The following MEI4 variants were observed in gnomAD, a reference collection of about 807,000 sequenced individuals.
MEI4 encodes meiosis-specific protein MEI4.
Under a neutral mutation model 31.4 loss-of-function variants are expected in MEI4, and 27 were observed. The observed-to-expected ratio is 0.86, with a 90% CI of 0.63 to 1.19. The LOEUF (loss-of-function observed/expected upper bound fraction) is 1.19. Ranked by LOEUF, MEI4 falls within the 50% of genes most tolerant of loss-of-function variation. The pLI is 0.00. For missense variants in MEI4, 329 were observed against 398.9 expected (o/e 0.82, Z 1.49); for synonymous variants, 122 against 145.4 (o/e 0.84, Z 1.16).
At chr6:77,805,208 C>T (rs1414692142) in intron 3 of MEI4, among the ~76,000 whole-genome samples, 1 of 152,036 alleles carries the variant, frequency 6.6e-6, no homozygotes, top group African/African-American at 2.4e-5. Flanking sequence ...TTCCTTCCCA[C>T]CATGTCACCC....
intron 2 of MEI4, among the ~76,000 whole-genome samples, chr6:77,727,125 G>A (rs1013298965): frequency 6.6e-6 from 1 of 152,156 alleles, no homozygotes; most frequent in Admixed American, 6.5e-5. Context: ...TCTCTCAGAT[G>A]TGAGTGGTGA....
intron 2 of MEI4, among the ~76,000 whole-genome samples, chr6:77,707,094 A>G (rs13199005): frequency 0.31 from 42,503 of 139,048 alleles, 6,838 homozygotes; most frequent in South Asian, 0.41. Flanking sequence ...GAAGACAGGA[A>G]GCTAAGGGAA....
At chr6:77,657,741 A>G (rs2127641134) in intron 1 of MEI4, among the ~76,000 whole-genome samples, 1 of 152,196 alleles carries the variant, frequency 6.6e-6, no homozygotes, top group South Asian at 2.1e-4. Flanking sequence ...CATATTCTTT[A>G]GTCAAGGAGC....
chr6:77,849,701 A>G (rs922802662), intron 4 of MEI4, among the ~76,000 whole-genome samples: 1 of 152,196 alleles, frequency 6.6e-6, no homozygotes, highest in African/African-American at 2.4e-5. Context: ...TGTAGTGCAT[A>G]CCGTAAAGTA....
intron 3 of MEI4, among the ~76,000 whole-genome samples, chr6:77,768,729 C>T (rs1768237161): frequency 1.3e-5 from 2 of 151,288 alleles, no homozygotes; most frequent in Non-Finnish European, 2.9e-5. Context: ...CAGACAGCAA[C>T]AGGAGAAAGA....
intron 2 of MEI4, among the ~76,000 whole-genome samples, chr6:77,694,851 A>G (rs1362509583): frequency 2.0e-5 from 3 of 151,168 alleles, no homozygotes; most frequent in Non-Finnish European, 2.9e-5. Context: ...GACTTCCACA[A>G]TGGTTGAACT....
At position 77,749,336 on chromosome 6, in the gene MEI4, G is replaced by A. The variant is rs370470003; in HGVS notation, c.233-11794G>A. Reference sequence around the variant, plus strand: ...AAACTCCTCCAAGCTAAAGGAGCATGTTCTAACCCTATGCAAGGAAGCTGA... The same window carrying A: ...AAACTCCTCCAAGCTAAAGGAGCATATTCTAACCCTATGCAAGGAAGCTGA... On this transcript the variant is annotated intron_variant, in intron 2 of 4. Transcript: ENST00000684080. Among the ~76,000 whole-genome samples the A allele has an allele frequency of 5.4e-4, 82 of 152,258 alleles. 2 individuals are homozygous for A. The highest frequency in any genetic ancestry group is 1.9e-3 in the African/African-American group (79 of 41,566).
chr6:77,920,778 A>T (rs890723109), intron 4 of MEI4, among the ~76,000 whole-genome samples: 1 of 152,028 alleles, frequency 6.6e-6, no homozygotes, highest in South Asian at 2.1e-4. Context: ...TTATGCATCC[A>T]TCAGAGCTTT....
intron 3 of MEI4, among the ~76,000 whole-genome samples, chr6:77,798,455 A>G (rs1354413491): frequency 6.6e-6 from 1 of 151,216 alleles, no homozygotes; most frequent in East Asian, 1.9e-4. Flanking sequence ...ACTATATGCT[A>G]TTTATAGATG....
At chr6:77,656,621 G>C (rs1768402197) in intron 1 of MEI4, among the ~76,000 whole-genome samples, 4 of 152,168 alleles carry the variant, frequency 2.6e-5, no homozygotes, top group African/African-American at 9.7e-5. Flanking sequence ...TTTACTGAAA[G>C]AACATTAGTT....
At chr6:77,704,523 T>G (rs1361514162) in intron 2 of MEI4, among the ~76,000 whole-genome samples, 2 of 152,184 alleles carry the variant, frequency 1.3e-5, no homozygotes, top group Non-Finnish European at 2.9e-5. Context: ...ATCAGTGAAT[T>G]CCCCACAAGC....
At chr6:77,770,814 C>CA (rs926481115) in intron 3 of MEI4, among the ~76,000 whole-genome samples, 56 of 151,624 alleles carry the variant, frequency 3.7e-4, no homozygotes, top group African/African-American at 1.0e-3. Flanking sequence ...AACAAACAAA[C>CA]AAAAAAAATA....
At chr6:77,694,483 A>G (rs950245585) in intron 2 of MEI4, among the ~76,000 whole-genome samples, 2 of 150,520 alleles carry the variant, frequency 1.3e-5, no homozygotes, top group Non-Finnish European at 2.9e-5. Context: ...TCATTGTTCA[A>G]TTCCCACCTA....
At chr6:77,749,034 G>A (rs1767694340) in intron 2 of MEI4, among the ~76,000 whole-genome samples, 1 of 152,132 alleles carries the variant, frequency 6.6e-6, no homozygotes, top group Non-Finnish European at 1.5e-5. Context: ...AGAGGGGCCT[G>A]TTAGAAGGAA....
intron 4 of MEI4, among the ~76,000 whole-genome samples, chr6:77,907,035 ATT>A (rs70974692): frequency 6.7e-6 from 1 of 149,116 alleles, no homozygotes. Flanking sequence ...GATCTTGGCT[ATT>A]TTTTTTTTTA....
intron 4 of MEI4, among the ~76,000 whole-genome samples, chr6:77,848,468 C>T (rs745822981): frequency 1.3e-5 from 2 of 152,096 alleles, no homozygotes; most frequent in Non-Finnish European, 2.9e-5. Flanking sequence ...GTGACAGGCA[C>T]ATTATGTCTT....
At chr6:77,894,047 TTTCTC>T (rs1340454639) in intron 4 of MEI4, among the ~76,000 whole-genome samples, 4 of 152,230 alleles carry the variant, frequency 2.6e-5, no homozygotes, top group Admixed American at 2.6e-4. Flanking sequence ...TGGAAAAAAA[TTTCTC>T]TAGATTATCT....
intron 1 of MEI4, among the ~76,000 whole-genome samples, chr6:77,666,606 GGTT>G (rs1768637856): frequency 1.3e-5 from 2 of 152,298 alleles, no homozygotes; most frequent in East Asian, 1.9e-4. Flanking sequence ...GGCACAGAGA[GGTT>G]GTATAATCTC....
chr6:77,788,298 A>T (rs940568057), intron 3 of MEI4, among the ~76,000 whole-genome samples: 3 of 152,236 alleles, frequency 2.0e-5, no homozygotes, highest in Non-Finnish European at 2.9e-5. Context: ...CCAATATCAT[A>T]CTGAATAGGC....
Sources: allele counts gnomAD v4.1 joint callset (sites outside exome capture counted in the v4.1 genomes callset), GRCh38; gene constraint gnomAD v4.1.1; transcripts MANE v1.5; gene names NCBI Gene and HGNC (gene_info 2026-07-23, HGNC 2026-07-21).